The following MYO16 variants were observed in gnomAD, a reference collection of about 807,000 sequenced individuals.
The protein encoded by MYO16 is unconventional myosin-XVI.
Under a neutral mutation model 205.3 loss-of-function variants are expected in MYO16, and 94 were observed. The observed-to-expected ratio is 0.46, with a 90% CI of 0.39 to 0.54. The LOEUF (loss-of-function observed/expected upper bound fraction) is 0.54. Among genes scored for constraint, MYO16 ranks in the 20% least tolerant of loss-of-function variants. The pLI is 0.00. For missense variants in MYO16, 2,315 were observed against 2,387.5 expected, an observed-to-expected ratio of 0.97 and a Z score of 0.63; for synonymous variants, 988 against 954.0, an observed-to-expected ratio of 1.04 and a Z score of -0.66.
chr13:108,777,736 A>T (rs1333667029), intron 4 of MYO16, among the ~76,000 whole-genome samples: 1 of 152,200 alleles, frequency 6.6e-6, no homozygotes, highest in African/African-American at 2.4e-5. Flanking sequence ...AAGTGGTCCA[A>T]TGTCAGTGAA....
At chr13:108,567,093 A>G in the MYO16 span, among the ~76,000 whole-genome samples, 1 of 152,108 alleles carries the variant, frequency 6.6e-6, no homozygotes, top group Non-Finnish European at 1.5e-5. Context: ...ACAGAAAACA[A>G]CAAACTGTAG....
At chr13:108,658,426 T>TTGTGTGTGTGTGTGTGTG (rs145187326) in intron 1 of MYO16, among the ~76,000 whole-genome samples, 8 of 145,290 alleles carry the variant, frequency 5.5e-5, no homozygotes, top group South Asian at 2.2e-4. Context: ...TGTTTCAACT[T>TTGTGTGTGTGTGTGTGTG]TGTGTGTGTG....
the MYO16 span, among the ~76,000 whole-genome samples, chr13:108,546,347 C>T: frequency 6.6e-6 from 1 of 152,050 alleles, no homozygotes; most frequent in East Asian, 1.9e-4. Flanking sequence ...AAAATAGGCT[C>T]TTCTAGGGCA....
At chr13:108,924,844 A>G (rs888196061) in intron 16 of MYO16, among the ~76,000 whole-genome samples, 1 of 152,092 alleles carries the variant, frequency 6.6e-6, no homozygotes, top group Non-Finnish European at 1.5e-5. Context: ...ACCCTGACGT[A>G]TTCAGTTTAA....
chr13:109,105,210 C>T (rs1718352223), intron 28 of MYO16, among the ~76,000 whole-genome samples: 1 of 152,256 alleles, frequency 6.6e-6, no homozygotes, highest in African/African-American at 2.4e-5. Context: ...GTGGCTCATG[C>T]CTATAATACC....
chr13:108,941,352 C>A (rs143896101), intron 16 of MYO16, among the ~76,000 whole-genome samples: 83 of 152,140 alleles, frequency 5.5e-4, no homozygotes, highest in African/African-American at 2.0e-3. Flanking sequence ...CCTGCCATGC[C>A]CCAAAGCATT....
chr13:108,711,651 G>A (rs1002112485), intron 2 of MYO16, among the ~76,000 whole-genome samples: 1 of 152,192 alleles, frequency 6.6e-6, no homozygotes, highest in African/African-American at 2.4e-5. Context: ...GAGATTTGGG[G>A]AAGATAGTCA....
intron 7 of MYO16, among the ~76,000 whole-genome samples, chr13:108,810,312 T>C (rs1378317153): frequency 2.0e-5 from 3 of 152,204 alleles, no homozygotes; most frequent in Admixed American, 6.5e-5. Flanking sequence ...TTCTCCACTG[T>C]GCTAGCCCAT....
intron 20 of MYO16, among the ~76,000 whole-genome samples, chr13:108,971,398 G>A (rs1237852528): frequency 6.8e-6 from 1 of 148,032 alleles, no homozygotes; most frequent in African/African-American, 2.5e-5. Context: ...ACATGTATGT[G>A]GATATATTAT....
At chr13:108,721,226 G>A (rs1337667933) in intron 3 of MYO16, among the ~76,000 whole-genome samples, 8 of 152,298 alleles carry the variant, frequency 5.3e-5, no homozygotes, top group African/African-American at 1.7e-4. Flanking sequence ...CTAACCACAC[G>A]GTCAAAGCTT....
chr13:109,111,813 A>C (rs1339944367), intron 28 of MYO16, among the ~76,000 whole-genome samples: 1 of 151,952 alleles, frequency 6.6e-6, no homozygotes, highest in Non-Finnish European at 1.5e-5. Flanking sequence ...CAGCCTCCCA[A>C]GTAGCTGGGA....
At chr13:108,791,410 T>A (rs988224895) in intron 5 of MYO16, among the ~76,000 whole-genome samples, 2 of 152,236 alleles carry the variant, frequency 1.3e-5, no homozygotes, top group African/African-American at 4.8e-5. Context: ...GAAAGCTGAC[T>A]AATCACAGAT....
At chr13:108,792,205 C>A (rs984989376) in intron 5 of MYO16, among the ~76,000 whole-genome samples, 8 of 152,338 alleles carry the variant, frequency 5.3e-5, no homozygotes, top group Middle Eastern at 3.4e-3. Context: ...TGTGCACCAC[C>A]TACCCACCTG....
chr13:108,652,053 T>TA (rs5806747), intron 1 of MYO16, among the ~76,000 whole-genome samples: 26,879 of 151,192 alleles, frequency 0.18, 3,568 homozygotes, highest in African/African-American at 0.36. Flanking sequence ...GTATATGCAG[T>TA]AAAAAAAAAG....
At chr13:108,498,513 C>T in the MYO16 span, among the ~76,000 whole-genome samples, 2 of 152,190 alleles carry the variant, frequency 1.3e-5, no homozygotes, top group Non-Finnish European at 2.9e-5. Flanking sequence ...CTGTGTGATT[C>T]TCTGCCCACC....
chr13:108,859,814 A>G (rs921276562), intron 11 of MYO16, among the ~76,000 whole-genome samples: 1 of 152,198 alleles, frequency 6.6e-6, no homozygotes, highest in Non-Finnish European at 1.5e-5. Flanking sequence ...ACTCATAAAA[A>G]AAACCCCACA....
chr13:108,504,246 CG>C, the MYO16 span, among the ~76,000 whole-genome samples: 3 of 152,036 alleles, frequency 2.0e-5, no homozygotes, highest in Admixed American at 6.6e-5. Context: ...CTCAGCCTCA[CG>C]AGTAGCTGGG....
intron 1 of MYO16, among the ~76,000 whole-genome samples, chr13:108,598,946 A>C: frequency 6.7e-6 from 1 of 149,628 alleles, no homozygotes; most frequent in South Asian, 2.2e-4. Flanking sequence ...TGCTGCACCC[A>C]TTAACTCGTC....
At chr13:108,815,243 T>G (rs1346321855) in intron 7 of MYO16, among the ~76,000 whole-genome samples, 1 of 152,190 alleles carries the variant, frequency 6.6e-6, no homozygotes, top group Non-Finnish European at 1.5e-5. Flanking sequence ...GAAGGCAGAA[T>G]AGTGCCCCCA....
Sources: gnomAD v4.1 joint callset for allele counts (sites outside exome capture counted in the v4.1 genomes callset) on GRCh38, gnomAD v4.1.1 for gene constraint, MANE v1.5 for transcripts, NCBI Gene and HGNC (gene_info 2026-07-23, HGNC 2026-07-21) for gene names.